Variants in RIMS1 observed in about 807,000 individuals in gnomAD.
RIMS1 encodes the protein regulating synaptic membrane exocytosis protein 1.
RIMS1 carries 83 observed loss-of-function variants against 214.1 expected under a neutral mutation model. The observed-to-expected ratio is 0.39, with a 90% confidence interval of 0.32 to 0.47. The LOEUF (loss-of-function observed/expected upper bound fraction) is 0.47. Ranked by LOEUF, RIMS1 falls within the 20% of genes least tolerant of loss-of-function variation. The probability of loss-of-function intolerance (pLI) is 0.99; values close to 1 mark genes in which losing one functional copy is unlikely to be tolerated. For missense variants in RIMS1, 2,050 were observed against 2,161.8 expected, an observed-to-expected ratio of 0.95 and a Z score of 1.03; for synonymous variants, 793 against 786.8, an observed-to-expected ratio of 1.01 and a Z score of -0.13.
At position 72,328,975 on chromosome 6, in the gene RIMS1, G is replaced by T. The variant is rs28380471; in HGVS notation, c.4131-4625G>T. Among the ~76,000 whole-genome samples, 23 of 151,900 alleles carry T rather than the reference G, an allele frequency of 1.5e-4. No individual in the cohort carries two copies. In the East Asian group the frequency reaches 4.5e-3, roughly 29 times the overall value. On this transcript the variant is annotated intron_variant, in intron 28 of 33. Coordinates refer to ENST00000521978, the MANE Select transcript of RIMS1 (RefSeq NM_014989.7). ...GTTGGGAAAGTATTATTAGTCATAA[G>T]CAATGCAGAATCAGAGTCAGTCTTG... is the stretch of plus-strand genomic sequence containing the variant.
intron 29 of RIMS1, among the ~76,000 whole-genome samples, chr6:72,381,677 C>CG (rs1222205595): frequency 1.3e-5 from 2 of 152,134 alleles, no homozygotes; most frequent in Non-Finnish European, 2.9e-5. Flanking sequence ...ATGGAAAAAA[C>CG]AAAGTTATGT....
chr6:72,207,044 T>C, intron 6 of RIMS1, among the ~76,000 whole-genome samples: 1 of 152,362 alleles, frequency 6.6e-6, no homozygotes, highest in East Asian at 1.9e-4. Context: ...AAGAAAAATT[T>C]TTGAAAATTA....
chr6:72,089,957 G>C, intron 2 of RIMS1, among the ~76,000 whole-genome samples: 1 of 144,478 alleles, frequency 6.9e-6, no homozygotes, highest in Non-Finnish European at 1.5e-5. Context: ...ACTCATAGGT[G>C]GGAATTGAAC....
intron 1 of RIMS1, among the ~76,000 whole-genome samples, chr6:71,934,658 A>G (rs568219589): frequency 1.3e-5 from 2 of 152,204 alleles, no homozygotes; most frequent in Non-Finnish European, 2.9e-5. Flanking sequence ...AGGGGAATCA[A>G]TATTAGCGGG....
rs1026980603 is a variant in RIMS1, at chr6:71,921,588, A to G, written c.164+34401A>G. On this transcript the variant is annotated intron_variant, in intron 1 of 33. Coordinates refer to ENST00000521978, the MANE Select transcript of RIMS1 (RefSeq NM_014989.7). ...ACTTACTGAATTGCATTTTGGCCTT[A>G]CAGGAAGTTTGCCTACTGAATTAGC... is the stretch of plus-strand genomic sequence containing the variant. Among the ~76,000 whole-genome samples the G allele has an allele frequency of 4.6e-5, 7 of 152,230 alleles. 1 individual carries two copies. The highest frequency in any genetic ancestry group is 8.8e-5 in the Non-Finnish European group (6 of 68,042).
At chr6:72,078,814 C>A (rs1312629241) in intron 2 of RIMS1, among the ~76,000 whole-genome samples, 1 of 151,998 alleles carries the variant, frequency 6.6e-6, no homozygotes, top group Non-Finnish European at 1.5e-5. Context: ...AAATGGAAGA[C>A]CTTGAGGCTC....
At chr6:72,354,094 C>T (rs371574326) in intron 29 of RIMS1, among the ~76,000 whole-genome samples, 1 of 152,190 alleles carries the variant, frequency 6.6e-6, no homozygotes, top group Admixed American at 6.5e-5. Flanking sequence ...GTGGCACGTG[C>T]CTGCAATCCC....
At chr6:72,389,711 A>G (rs949738671) in intron 29 of RIMS1, among the ~76,000 whole-genome samples, 3 of 152,212 alleles carry the variant, frequency 2.0e-5, no homozygotes, top group African/African-American at 7.2e-5. Context: ...CCAGAAATTT[A>G]TATAGGACGT....
At chr6:71,895,236 G>T (rs1420239471) in intron 1 of RIMS1, among the ~76,000 whole-genome samples, 2 of 152,154 alleles carry the variant, frequency 1.3e-5, no homozygotes, top group African/African-American at 2.4e-5. Context: ...ATGGCTTTCT[G>T]TACTTAAAGC....
At chr6:72,204,585 C>T (rs1275145858) in intron 6 of RIMS1, among the ~76,000 whole-genome samples, 6 of 152,214 alleles carry the variant, frequency 3.9e-5, no homozygotes, top group Non-Finnish European at 7.3e-5. Context: ...ATTTCGCCTT[C>T]TCCTCAATCG....
At chr6:72,088,059 T>C (rs1835126220) in intron 2 of RIMS1, among the ~76,000 whole-genome samples, 1 of 152,148 alleles carries the variant, frequency 6.6e-6, no homozygotes, top group African/African-American at 2.4e-5. Context: ...ACAGGCTTCA[T>C]CTTCAACATC....
At chr6:72,347,751 A>G (rs1000319074) in intron 29 of RIMS1, among the ~76,000 whole-genome samples, 1 of 151,842 alleles carries the variant, frequency 6.6e-6, no homozygotes, top group African/African-American at 2.4e-5. Context: ...GAAAATTCTT[A>G]ATCTGTCAGT....
chr6:71,894,722 G>A (rs1397353180), intron 1 of RIMS1, among the ~76,000 whole-genome samples: 1 of 152,020 alleles, frequency 6.6e-6, no homozygotes, highest in Admixed American at 6.6e-5. Context: ...GGCAAAATGA[G>A]GTAATGTTAC....
intron 4 of RIMS1, among the ~76,000 whole-genome samples, chr6:72,141,021 G>A (rs1457192283): frequency 6.6e-6 from 1 of 151,992 alleles, no homozygotes; most frequent in African/African-American, 2.4e-5. Context: ...TTACCCAGTT[G>A]ATGAGTAGTA....
At chr6:72,202,389 C>G (rs922531283) in intron 6 of RIMS1, among the ~76,000 whole-genome samples, 1 of 152,116 alleles carries the variant, frequency 6.6e-6, no homozygotes, top group Non-Finnish European at 1.5e-5. Context: ...ACTGACTTTT[C>G]TCTGTATCTT....
At chr6:72,384,976 C>A (rs1163411125) in intron 29 of RIMS1, among the ~76,000 whole-genome samples, 1 of 152,118 alleles carries the variant, frequency 6.6e-6, no homozygotes, top group African/African-American at 2.4e-5. Flanking sequence ...AATATGACAT[C>A]TTTTGGAATA....
At position 71,980,923 on chromosome 6, in the gene RIMS1, T is replaced by C. The variant is rs531781429; in HGVS notation, c.245+11860T>C. ...TTACCAAAGGAGAGTTAATAAAAAA[T>C]AAGGATAGAAAAGGCAAGTACTTCT... On this transcript the variant is annotated intron_variant, in intron 2 of 33. Coordinates refer to ENST00000521978, the MANE Select transcript of RIMS1 (RefSeq NM_014989.7). Among the ~76,000 whole-genome samples, 10 of 152,142 alleles carry C rather than the reference T, an allele frequency of 6.6e-5. No homozygotes were observed. The South Asian group carries it at 2.1e-3, about 32-fold the overall frequency.
intron 2 of RIMS1, among the ~76,000 whole-genome samples, chr6:72,085,151 A>C (rs537635122): frequency 6.6e-5 from 10 of 152,280 alleles, no homozygotes; most frequent in Admixed American, 1.3e-4. Flanking sequence ...AAAATGCTTT[A>C]GTGCCATCTG....
At chr6:72,133,294 G>A (rs972289517) in intron 4 of RIMS1, among the ~76,000 whole-genome samples, 2 of 149,494 alleles carry the variant, frequency 1.3e-5, no homozygotes, top group African/African-American at 2.5e-5. Context: ...CAGTGGCTCA[G>A]TCATTCATAG....
Sources: allele counts gnomAD v4.1 joint callset (sites outside exome capture counted in the v4.1 genomes callset), GRCh38; gene constraint gnomAD v4.1.1; transcripts MANE v1.5; gene names NCBI Gene and HGNC (gene_info 2026-07-23, HGNC 2026-07-21).